The following UNC13C variants were observed in gnomAD, a reference collection of about 807,000 sequenced individuals.
UNC13C encodes unc-13 homolog C, also known as protein unc-13 homolog C.
In UNC13C, 174 loss-of-function variants were observed where a neutral mutation model predicts 245.4. That is an observed-to-expected ratio of 0.71 (90% CI 0.63 to 0.80). The LOEUF is 0.80. Among genes scored for constraint, UNC13C ranks in the 30% least tolerant of loss-of-function variants. The pLI is 0.00. For missense variants in UNC13C, 2,829 were observed against 2,602.9 expected (o/e 1.09, Z -1.89); for synonymous variants, 992 against 895.1 (o/e 1.11, Z -1.93).
chr15:53,899,100 T>C, the UNC13C span, among the ~76,000 whole-genome samples: 1 of 152,220 alleles, frequency 6.6e-6, no homozygotes, highest in Admixed American at 6.5e-5. Flanking sequence ...ATGTCACATC[T>C]CAGAGAAGCA....
chr15:54,300,093 T>C (rs2037536239), intron 12 of UNC13C, 117 bp from the exon 13 acceptor site: 3 of 863,008 alleles, frequency 3.5e-6, no homozygotes, highest in African/African-American at 3.4e-5. Context: ...TGCTTGCAGA[T>C]GCTGATGAAA....
chr15:54,480,194 A>G (rs1236584269), intron 19 of UNC13C, among the ~76,000 whole-genome samples: 2 of 151,972 alleles, frequency 1.3e-5, no homozygotes, highest in African/African-American at 2.4e-5. Flanking sequence ...AGCTTCCTGT[A>G]TTTGAATGTC....
chr15:54,313,282 T>C (rs2037922095), intron 13 of UNC13C, among the ~76,000 whole-genome samples: 1 of 151,840 alleles, frequency 6.6e-6, no homozygotes. Context: ...GATGTCTTCA[T>C]AAACTGTCAT....
intron 4 of UNC13C, among the ~76,000 whole-genome samples, chr15:54,155,401 CAT>C: frequency 6.6e-6 from 1 of 152,238 alleles, no homozygotes; most frequent in East Asian, 1.9e-4. Flanking sequence ...GAAAACACGT[CAT>C]AAGTCCCACT....
chr15:54,204,256 C>G (rs1243101573), intron 4 of UNC13C, among the ~76,000 whole-genome samples: 1 of 129,720 alleles, frequency 7.7e-6, no homozygotes, highest in Non-Finnish European at 1.6e-5. Context: ...TTCATGTAAC[C>G]AAACACCACT....
At chr15:54,300,056 T>C (rs1397285466) in intron 12 of UNC13C, among the ~76,000 whole-genome samples, 154 bp from the exon 13 acceptor site, 1 of 152,232 alleles carries the variant, frequency 6.6e-6, no homozygotes, top group African/African-American at 2.4e-5. Context: ...TGAATTGAGT[T>C]AGAATAAAAA....
At chr15:54,206,675 T>A (rs2034722892) in intron 4 of UNC13C, among the ~76,000 whole-genome samples, 1 of 152,016 alleles carries the variant, frequency 6.6e-6, no homozygotes, top group Admixed American at 6.6e-5. Context: ...GACAGTAAAT[T>A]GTATTAAAGA....
chr15:54,014,601 A>G lies in UNC13C; in HGVS notation c.1698A>G (p.Glu566=). Reference sequence around the variant, plus strand: ...AGTCTTACTCAGAAGATTTTTCAGAAAATCAGTTTTTCACTAGAACTAATG... The same window carrying G: ...AGTCTTACTCAGAAGATTTTTCAGAGAATCAGTTTTTCACTAGAACTAATG... The part of the protein sequence containing the change: ...LCQSYSEDFS[E]NQFFTRTNGS... The change falls in exon 2 of 33, where the codon GAA becomes GAG. Residue 566 remains glutamate (E), a synonymous_variant. Coordinates refer to ENST00000260323, the MANE Select transcript of UNC13C (RefSeq NM_001080534.3). 6.2e-7 allele frequency: 1 copy of G among 1,613,732 alleles called. No individual in the cohort carries two copies. The highest frequency in any genetic ancestry group is 8.5e-7 in the Non-Finnish European group (1 of 1,179,786).
chr15:53,988,184 T>TA (rs1189429535), intron 1 of UNC13C, among the ~76,000 whole-genome samples: 1 of 152,002 alleles, frequency 6.6e-6, no homozygotes, highest in Non-Finnish European at 1.5e-5. Flanking sequence ...CTAGAATGCT[T>TA]ACATATTTTA....
At chr15:54,583,718 T>C (rs915344495) in intron 30 of UNC13C, among the ~76,000 whole-genome samples, 2 of 152,204 alleles carry the variant, frequency 1.3e-5, no homozygotes, top group African/African-American at 4.8e-5. Flanking sequence ...AAGCCCAGTC[T>C]CACTGTATCA....
At chr15:54,593,057 C>T (rs1375838774) in intron 30 of UNC13C, among the ~76,000 whole-genome samples, 2 of 152,088 alleles carry the variant, frequency 1.3e-5, no homozygotes, top group Non-Finnish European at 2.9e-5. Flanking sequence ...ATCTCTCCTT[C>T]ATATATGATG....
intron 26 of UNC13C, among the ~76,000 whole-genome samples, chr15:54,545,255 C>A (rs1808246789): frequency 6.6e-6 from 1 of 152,160 alleles, no homozygotes; most frequent in Admixed American, 6.6e-5. Context: ...ATGCAGAAAA[C>A]TGAAAGTGGA....
chr15:54,074,309 C>T (rs2141103794), intron 2 of UNC13C, among the ~76,000 whole-genome samples: 1 of 152,236 alleles, frequency 6.6e-6, no homozygotes, highest in East Asian at 1.9e-4. Flanking sequence ...AGTCAGTTAG[C>T]ATGATGCCTC....
intron 17 of UNC13C, among the ~76,000 whole-genome samples, chr15:54,353,811 C>G (rs1042375360): frequency 6.6e-6 from 1 of 152,158 alleles, no homozygotes; most frequent in Non-Finnish European, 1.5e-5. Context: ...TGTTAGAACT[C>G]CTGGGGTTCT....
At chr15:54,226,477 A>C (rs532164568) in intron 4 of UNC13C, among the ~76,000 whole-genome samples, 1 of 152,074 alleles carries the variant, frequency 6.6e-6, no homozygotes, top group East Asian at 1.9e-4. Context: ...TGGAGTGTCA[A>C]TTTGCTAGCT....
chr15:54,365,789 A>G (rs983549814), intron 17 of UNC13C, among the ~76,000 whole-genome samples: 6 of 151,882 alleles, frequency 4.0e-5, no homozygotes, highest in Non-Finnish European at 2.9e-5. Flanking sequence ...GACCCAAGAG[A>G]CAGTCCCACT....
intron 8 of UNC13C, among the ~76,000 whole-genome samples, chr15:54,261,562 A>T (rs1284207894): frequency 7.2e-6 from 1 of 139,308 alleles, no homozygotes; most frequent in African/African-American, 2.7e-5. Context: ...TTTTGTTTTG[A>T]GACGGAGTCT....
At chr15:54,220,382 T>A (rs1306319493) in intron 4 of UNC13C, among the ~76,000 whole-genome samples, 1 of 136,666 alleles carries the variant, frequency 7.3e-6, no homozygotes. Context: ...CACTCATAGA[T>A]GGGAATTGAA....
intron 30 of UNC13C, among the ~76,000 whole-genome samples, chr15:54,602,480 T>G (rs1899492280): frequency 6.6e-6 from 1 of 152,196 alleles, no homozygotes; most frequent in Non-Finnish European, 1.5e-5. Flanking sequence ...ATTTTAATAT[T>G]TAGAGATGAT....
Sources: allele counts gnomAD v4.1 joint callset (sites outside exome capture counted in the v4.1 genomes callset), GRCh38; gene constraint gnomAD v4.1.1; transcripts MANE v1.5; gene names NCBI Gene and HGNC (gene_info 2026-07-23, HGNC 2026-07-21).